The following ROBO2 variants were observed in gnomAD, a reference collection of about 807,000 sequenced individuals.
The protein encoded by ROBO2 is roundabout guidance receptor 2.
ROBO2 carries 53 observed loss-of-function variants against 160.8 expected under a neutral mutation model. The ratio of observed to expected loss-of-function variants is 0.33; its 90% confidence interval spans 0.26 to 0.41. The LOEUF is 0.41. Ranked by LOEUF, ROBO2 falls within the 10% of genes least tolerant of loss-of-function variation. The pLI is 1.00. For synonymous variants in ROBO2, 664 were observed against 611.7 expected, an observed-to-expected ratio of 1.09 and a Z score of -1.26; for missense variants, 1,577 against 1,722.4, an observed-to-expected ratio of 0.92 and a Z score of 1.49.
intron 2 of ROBO2, among the ~76,000 whole-genome samples, chr3:77,374,629 C>T (rs1012071753): frequency 1.3e-5 from 2 of 152,040 alleles, no homozygotes; most frequent in African/African-American, 4.8e-5. Context: ...TTCTCAATGA[C>T]TTGATTCTTA....
At chr3:77,399,277 C>T (rs1180261428) in intron 2 of ROBO2, among the ~76,000 whole-genome samples, 1 of 152,210 alleles carries the variant, frequency 6.6e-6, no homozygotes, top group Admixed American at 6.5e-5. Context: ...TAATTCCCTT[C>T]ATATCTAGAG....
rs144623119 is a variant in ROBO2, at chr3:76,692,551, A to G, written c.110-405463A>G. On this transcript the variant is annotated intron_variant, in intron 2 of 26. Transcript: ENST00000487694. ...AGTTTTTTAGAACAATGAGATTTAC[A>G]ATATTTACAGGTCTTCTGAGATGAT... 4.2e-4 allele frequency among the ~76,000 whole-genome samples: 64 copies of G among 152,274 alleles called. No individual in the cohort carries two copies. The East Asian group carries it at 0.012, about 29-fold the overall frequency.
chr3:77,392,908 A>G (rs933010599), intron 2 of ROBO2, among the ~76,000 whole-genome samples: 4 of 152,188 alleles, frequency 2.6e-5, no homozygotes, highest in Non-Finnish European at 5.9e-5. Context: ...TTGTGATGCC[A>G]CTAAAATTTG....
At chr3:76,461,166 G>A (rs1223924135) in intron 2 of ROBO2, among the ~76,000 whole-genome samples, 2 of 152,188 alleles carry the variant, frequency 1.3e-5, no homozygotes, top group South Asian at 4.1e-4. Context: ...AATCATGGCA[G>A]AAGGTAAAAG....
At chr3:76,327,876 GAAA>G (rs896111797) in intron 2 of ROBO2, among the ~76,000 whole-genome samples, 1 of 147,802 alleles carries the variant, frequency 6.8e-6, no homozygotes, top group Non-Finnish European at 1.5e-5. Flanking sequence ...AGAAGAATGT[GAAA>G]AAAAAAAGTG....
At chr3:76,336,085 T>C (rs547634509) in intron 2 of ROBO2, among the ~76,000 whole-genome samples, 12 of 152,314 alleles carry the variant, frequency 7.9e-5, no homozygotes, top group South Asian at 4.1e-4. Context: ...ATGAAAAAGA[T>C]TGAACTAGCA....
chr3:77,305,373 G>T (rs910409813), intron 2 of ROBO2, among the ~76,000 whole-genome samples: 1 of 152,148 alleles, frequency 6.6e-6, no homozygotes, highest in African/African-American at 2.4e-5. Flanking sequence ...TTTTCTGAGG[G>T]TGAGACTGTA....
At chr3:76,292,115 T>C (rs1486048914) in intron 2 of ROBO2, among the ~76,000 whole-genome samples, 1 of 152,188 alleles carries the variant, frequency 6.6e-6, no homozygotes, top group Middle Eastern at 3.2e-3. Flanking sequence ...ATTATTGAAG[T>C]CTCCTGCTAT....
At chr3:76,732,517 T>G (rs942970696) in intron 2 of ROBO2, among the ~76,000 whole-genome samples, 21 of 152,092 alleles carry the variant, frequency 1.4e-4, no homozygotes, top group Non-Finnish European at 2.4e-4. Flanking sequence ...GCTGGGAAAT[T>G]TATCAATTCT....
At chr3:75,997,402 G>T (rs953765854) in intron 2 of ROBO2, among the ~76,000 whole-genome samples, 10 of 151,956 alleles carry the variant, frequency 6.6e-5, no homozygotes, top group Admixed American at 4.6e-4. Flanking sequence ...ATATATCTCT[G>T]CAAAAGAACT....
At chr3:77,100,453 G>C (rs896055286) in intron 2 of ROBO2, among the ~76,000 whole-genome samples, 1 of 151,862 alleles carries the variant, frequency 6.6e-6, no homozygotes, top group Non-Finnish European at 1.5e-5. Context: ...GGAAATTTGG[G>C]TTAAAGCATT....
At chr3:76,804,495 A>G (rs1460122458) in intron 2 of ROBO2, among the ~76,000 whole-genome samples, 2 of 152,212 alleles carry the variant, frequency 1.3e-5, no homozygotes, top group Non-Finnish European at 1.5e-5. Context: ...ATGGGTAATA[A>G]TTAGTGTGGA....
intron 2 of ROBO2, among the ~76,000 whole-genome samples, chr3:76,642,195 T>A (rs2090714487): frequency 6.6e-6 from 1 of 151,970 alleles, no homozygotes; most frequent in Admixed American, 6.6e-5. Context: ...AGGAGAAAAC[T>A]GAAGAATAGA....
intron 1 of ROBO2, among the ~76,000 whole-genome samples, chr3:77,059,144 G>T (rs1213622532): frequency 1.3e-5 from 2 of 152,084 alleles, no homozygotes; most frequent in Non-Finnish European, 2.9e-5. Flanking sequence ...GAACTCCCTG[G>T]GGAAGTAACA....
intron 2 of ROBO2, among the ~76,000 whole-genome samples, chr3:77,309,225 G>A (rs12637117): frequency 6.6e-6 from 1 of 151,814 alleles, no homozygotes; most frequent in Admixed American, 6.6e-5. Context: ...TTGTTACTAA[G>A]CTTTACATAT....
At chr3:77,560,530 T>G (rs2093287981) in intron 9 of ROBO2, among the ~76,000 whole-genome samples, 2 of 152,084 alleles carry the variant, frequency 1.3e-5, no homozygotes, top group Admixed American at 1.3e-4. Context: ...GGCTTTCCAA[T>G]AGTTCACTCA....
At chr3:76,010,676 A>T (rs2066167804) in intron 2 of ROBO2, among the ~76,000 whole-genome samples, 2 of 152,224 alleles carry the variant, frequency 1.3e-5, no homozygotes, top group Admixed American at 1.3e-4. Context: ...TTAAATTAAG[A>T]AATGTAGTTT....
At chr3:76,469,416 G>C (rs190423325) in intron 2 of ROBO2, among the ~76,000 whole-genome samples, 2 of 151,980 alleles carry the variant, frequency 1.3e-5, no homozygotes, top group African/African-American at 4.8e-5. Flanking sequence ...GAGAAAAATT[G>C]GTATCAAACT....
At chr3:77,355,569 G>C (rs144455271) in intron 2 of ROBO2, among the ~76,000 whole-genome samples, 29 of 152,172 alleles carry the variant, frequency 1.9e-4, no homozygotes, top group African/African-American at 6.5e-4. Context: ...TATGGTGAAG[G>C]CTTATCTATC....
Sources: gnomAD v4.1 joint callset for allele counts (sites outside exome capture counted in the v4.1 genomes callset) on GRCh38, gnomAD v4.1.1 for gene constraint, MANE v1.5 for transcripts, NCBI Gene and HGNC (gene_info 2026-07-23, HGNC 2026-07-21) for gene names.